PPARGC1A: variants seen among roughly 807,000 people sequenced by gnomAD.
PPARGC1A encodes the protein peroxisome proliferator-activated receptor gamma coactivator 1-alpha.
PPARGC1A carries 25 observed loss-of-function variants against 88.7 expected under a neutral mutation model. That is an observed-to-expected ratio of 0.28 (90% CI 0.21 to 0.39). PPARGC1A has a LOEUF of 0.39. Among genes scored for constraint, PPARGC1A ranks in the 10% least tolerant of loss-of-function variants. The pLI, the probability that PPARGC1A is intolerant of heterozygous loss-of-function variation, is 1.00. For synonymous variants in PPARGC1A, 363 were observed against 355.6 expected, an observed-to-expected ratio of 1.02 and a Z score of -0.24; for missense variants, 880 against 968.7, an observed-to-expected ratio of 0.91 and a Z score of 1.22.
At chr4:24,458,487 C>T in the PPARGC1A span, among the ~76,000 whole-genome samples, 3 of 152,138 alleles carry the variant, frequency 2.0e-5, no homozygotes, top group Non-Finnish European at 2.9e-5. Flanking sequence ...TGTGAGAGAG[C>T]GAGACCCTGT....
At chr4:24,119,139 G>A in the PPARGC1A span, among the ~76,000 whole-genome samples, 1 of 152,262 alleles carries the variant, frequency 6.6e-6, no homozygotes, top group South Asian at 2.1e-4. Context: ...CAGTGAGGGA[G>A]CCTCTTTTGT....
At chr4:23,969,220 T>C in the PPARGC1A span, among the ~76,000 whole-genome samples, 2 of 152,186 alleles carry the variant, frequency 1.3e-5, no homozygotes, top group African/African-American at 4.8e-5. Context: ...TAAATGTCTG[T>C]TTAGAGTCTT....
the PPARGC1A span, among the ~76,000 whole-genome samples, chr4:24,183,576 A>T: frequency 6.6e-6 from 1 of 152,188 alleles, no homozygotes; most frequent in East Asian, 1.9e-4. Context: ...ACCCTGGGAG[A>T]CATTAGACTG....
In PPARGC1A at chr4:23,794,021, A is replaced by T. The variant is rs1717090898; in HGVS notation, c.*1801T>A. 1 of 152,642 alleles carries T rather than the reference A, an allele frequency of 6.6e-6. No individual in the cohort carries two copies. The highest frequency in any genetic ancestry group is 1.5e-5 in the Non-Finnish European group (1 of 68,034). The allele number at this position is 152,642 out of a possible 1,614,324, so 9.5% of individuals were successfully genotyped here. A position where few individuals can be genotyped will look rare whatever the true frequency, so the allele number is the denominator to read the frequency against. Reference sequence around the variant, plus strand: ...TACAGGATGCATAACTGTAAAAAATACAGATAAATACCATCGTCATACTCT... The same window carrying T: ...TACAGGATGCATAACTGTAAAAAATTCAGATAAATACCATCGTCATACTCT... On this transcript the variant is annotated 3_prime_UTR_variant, in exon 13 of 13. Transcript: ENST00000264867.
intron 2 of PPARGC1A, chr4:23,866,080 A>G (rs1190877619): frequency 6.6e-6 from 1 of 152,228 alleles, no homozygotes; most frequent in Non-Finnish European, 1.5e-5. Flanking sequence ...ATAGGCTCAC[A>G]AAGAGTTGTG....
chr4:24,410,245 TAAC>T, the PPARGC1A span, among the ~76,000 whole-genome samples: 6 of 152,088 alleles, frequency 3.9e-5, no homozygotes, highest in African/African-American at 1.4e-4. Context: ...TAATAAAACA[TAAC>T]AACATAAAAG....
the PPARGC1A span, among the ~76,000 whole-genome samples, chr4:24,246,411 C>T: frequency 2.6e-4 from 40 of 152,194 alleles, no homozygotes; most frequent in African/African-American, 7.9e-4. Flanking sequence ...AGCACTGGAG[C>T]CCAGGAGTTC....
the PPARGC1A span, among the ~76,000 whole-genome samples, chr4:24,442,687 A>T: frequency 6.6e-6 from 1 of 152,202 alleles, no homozygotes; most frequent in African/African-American, 2.4e-5. Context: ...TATGGGGAGG[A>T]CATGTTTTAT....
At chr4:24,310,672 C>T in the PPARGC1A span, among the ~76,000 whole-genome samples, 1 of 152,142 alleles carries the variant, frequency 6.6e-6, no homozygotes, top group Non-Finnish European at 1.5e-5. Context: ...TAATTGCCCA[C>T]TAAAACTGAG....
chr4:24,416,924 G>A, the PPARGC1A span, among the ~76,000 whole-genome samples: 2 of 152,004 alleles, frequency 1.3e-5, no homozygotes, highest in Non-Finnish European at 2.9e-5. Flanking sequence ...CCAGCTACTC[G>A]GGAGGCTGAG....
At chr4:24,089,432 C>A in the PPARGC1A span, among the ~76,000 whole-genome samples, 1 of 152,024 alleles carries the variant, frequency 6.6e-6, no homozygotes, top group African/African-American at 2.4e-5. Flanking sequence ...ACTTTCCACC[C>A]AATGCCAAGA....
At chr4:24,183,763 G>T in the PPARGC1A span, among the ~76,000 whole-genome samples, 2 of 152,136 alleles carry the variant, frequency 1.3e-5, no homozygotes, top group African/African-American at 4.8e-5. Flanking sequence ...GGATCTACAT[G>T]TGATAAAGGA....
chr4:23,820,426 G>T (rs567845253), intron 7 of PPARGC1A: 16 of 213,730 alleles, frequency 7.5e-5, no homozygotes, highest in Non-Finnish European at 4.9e-5. Context: ...GGGTCACTTT[G>T]GTCCCTACCC....
At chr4:23,931,837 G>A in the PPARGC1A span, among the ~76,000 whole-genome samples, 4 of 152,166 alleles carry the variant, frequency 2.6e-5, no homozygotes, top group Non-Finnish European at 5.9e-5. Flanking sequence ...ACGATCTTTG[G>A]AGTCAGAGAT....
At chr4:24,220,040 G>GC in the PPARGC1A span, among the ~76,000 whole-genome samples, 23 of 152,166 alleles carry the variant, frequency 1.5e-4, no homozygotes, top group African/African-American at 5.5e-4. Flanking sequence ...GAAAAAAAGA[G>GC]CCCCATTAAA....
the PPARGC1A span, among the ~76,000 whole-genome samples, chr4:23,995,072 T>C: frequency 6.6e-6 from 1 of 152,132 alleles, no homozygotes; most frequent in Non-Finnish European, 1.5e-5. Context: ...CAATCTCTTG[T>C]GGTGGCAAGT....
the PPARGC1A span, among the ~76,000 whole-genome samples, chr4:24,074,102 G>T: frequency 2.6e-5 from 4 of 152,138 alleles, no homozygotes; most frequent in Non-Finnish European, 5.9e-5. Flanking sequence ...TCCCGCAAAA[G>T]GGATTTCCAC....
chr4:24,355,451 G>C, the PPARGC1A span, among the ~76,000 whole-genome samples: 1 of 152,152 alleles, frequency 6.6e-6, no homozygotes, highest in East Asian at 1.9e-4. Context: ...ATTGCAAGAT[G>C]CCTCTTCAAT....
chr4:24,306,883 T>C, the PPARGC1A span, among the ~76,000 whole-genome samples: 2 of 152,222 alleles, frequency 1.3e-5, no homozygotes, highest in East Asian at 1.9e-4. Flanking sequence ...AGTGTACTTC[T>C]TGCTAACATT....
Sources: gnomAD v4.1 joint callset for allele counts (sites outside exome capture counted in the v4.1 genomes callset) on GRCh38, gnomAD v4.1.1 for gene constraint, MANE v1.5 for transcripts, NCBI Gene and HGNC (gene_info 2026-07-23, HGNC 2026-07-21) for gene names.